Variants in FAM117A observed in about 807,000 individuals in gnomAD.
The protein encoded by FAM117A is family with sequence similarity 117 member A.
FAM117A carries 21 observed loss-of-function variants against 44.1 expected under a neutral mutation model. The observed-to-expected ratio is 0.48, with a 90% CI of 0.34 to 0.69. The LOEUF (loss-of-function observed/expected upper bound fraction) is 0.69. FAM117A is among the 30% of genes least tolerant of loss of function. The probability of loss-of-function intolerance (pLI) is 0.01; values close to 1 mark genes in which losing one functional copy is unlikely to be tolerated. For missense variants in FAM117A, 498 were observed against 589.9 expected, an observed-to-expected ratio of 0.84 and a Z score of 1.61; for synonymous variants, 220 against 238.3, an observed-to-expected ratio of 0.92 and a Z score of 0.71.
chr17:49,719,931 C>T, intron 4 of FAM117A, 37 bp from the exon 5 acceptor site: 1 of 1,586,336 alleles, frequency 6.3e-7, no homozygotes. Flanking sequence ...ACACACAGCC[C>T]CACCAGGCCT....
Position 49,763,938 on chromosome 17 carries a change from G to A in FAM117A, c.150C>T (p.Phe50=), listed in dbSNP as rs1398118088. The change falls in exon 1 of 8, where the codon TTC becomes TTT. Residue 50 remains phenylalanine (F), a synonymous_variant. Transcript: ENST00000240364. ...GLQPLRATIP[F]QLQQPHQRRD... is the part of the protein sequence containing the mutation. Reference sequence around the variant, plus strand: ...GGCGCTGGTGCGGCTGCTGCAGCTGGAAGGGGATCGTGGCCCTGAGCGGCT... The same window carrying A: ...GGCGCTGGTGCGGCTGCTGCAGCTGAAAGGGGATCGTGGCCCTGAGCGGCT... 3 of 1,237,604 alleles carry A rather than the reference G, an allele frequency of 2.4e-6. No individual in the cohort carries two copies. Among genetic ancestry groups the A allele is most frequent in the Admixed American group, 4.2e-5 (1 of 23,994 alleles). 76.7% of individuals were successfully genotyped at this position (1,237,604 alleles called of 1,614,324 possible). A position where few individuals can be genotyped will look rare whatever the true frequency, so the allele number is the denominator to read the frequency against.
intron 7 of FAM117A, among the ~76,000 whole-genome samples, chr17:49,713,517 T>C (rs2073487835): frequency 6.6e-6 from 1 of 151,204 alleles, no homozygotes; most frequent in African/African-American, 2.4e-5. Flanking sequence ...GGTTACCATC[T>C]TTTTTTTTGG....
chr17:49,716,856 A>G (rs1248229794), intron 6 of FAM117A, among the ~76,000 whole-genome samples: 1 of 152,144 alleles, frequency 6.6e-6, no homozygotes, highest in Non-Finnish European at 1.5e-5. Context: ...TATTTATCTC[A>G]CATTTATTCC....
intron 1 of FAM117A, among the ~76,000 whole-genome samples, chr17:49,769,200 T>C (rs1298791820): frequency 6.6e-6 from 1 of 151,786 alleles, no homozygotes; most frequent in East Asian, 1.9e-4. Flanking sequence ...GAGGCTGAGA[T>C]AGAAGAATCC....
intron 1 of FAM117A, among the ~76,000 whole-genome samples, chr17:49,780,740 T>C (rs781384721): frequency 6.6e-6 from 1 of 152,290 alleles, no homozygotes; most frequent in South Asian, 2.1e-4. Flanking sequence ...CAGTAGTATG[T>C]GATCTTGACA....
At chr17:49,749,832 T>C (rs1396710643) in intron 1 of FAM117A, among the ~76,000 whole-genome samples, 1 of 147,926 alleles carries the variant, frequency 6.8e-6, no homozygotes, top group Non-Finnish European at 1.5e-5. Flanking sequence ...CCAGCTAGAG[T>C]AGTAAGGACC....
At chr17:49,737,960 T>C (rs116832061) in intron 1 of FAM117A, among the ~76,000 whole-genome samples, 212 of 152,288 alleles carry the variant, frequency 1.4e-3, no homozygotes, top group African/African-American at 5.0e-3. Context: ...ACCTGGAGGA[T>C]GAATTGCTTT....
rs189378777 is a variant in FAM117A, at chr17:49,754,962, C to T, written c.196+8930G>A. Among the ~76,000 whole-genome samples the T allele has an allele frequency of 2.1e-4, 30 of 144,288 alleles. No homozygotes were observed. In the East Asian group the frequency reaches 5.7e-3, roughly 28 times the overall value. The allele number at this position is 144,288 out of a possible 152,430, so 94.7% of individuals were successfully genotyped here. A position where few individuals can be genotyped will look rare whatever the true frequency, so the allele number is the denominator to read the frequency against. On this transcript the variant is annotated intron_variant, in intron 1 of 7. Coordinates refer to ENST00000240364, the MANE Select transcript of FAM117A (RefSeq NM_030802.4). ...CTGAGGCAGGAGAATCGCTTGAACC[C>T]GGGAGGTGGAGGTTGTGGTGAGCCG...
intron 3 of FAM117A, among the ~76,000 whole-genome samples, chr17:49,720,754 C>G (rs916895037): frequency 1.3e-5 from 2 of 152,116 alleles, no homozygotes; most frequent in Non-Finnish European, 2.9e-5. Flanking sequence ...GAGTCTCGCT[C>G]TCTCACCCAG....
chr17:49,770,291 A>AG (rs1431236738), intron 1 of FAM117A, among the ~76,000 whole-genome samples: 1 of 149,900 alleles, frequency 6.7e-6, no homozygotes. Context: ...AAAAAAAAAA[A>AG]GGATTTAGAT....
At chr17:49,738,597 C>A (rs1337477999) in intron 1 of FAM117A, among the ~76,000 whole-genome samples, 1 of 152,162 alleles carries the variant, frequency 6.6e-6, no homozygotes, top group African/African-American at 2.4e-5. Context: ...TGGGCCTCAG[C>A]CTTATTTCCA....
chr17:49,772,032 C>T (rs906623327), intron 1 of FAM117A, among the ~76,000 whole-genome samples: 7 of 152,124 alleles, frequency 4.6e-5, no homozygotes, highest in Admixed American at 4.6e-4. Context: ...TGGCTCACAC[C>T]TGTAATCCCA....
At chr17:49,788,529 A>G in exon 1 of FAM117A, 1 of 371,412 alleles carries the variant, frequency 2.7e-6, no homozygotes, top group Non-Finnish European at 4.9e-6. Context: ...GGGTTCCACC[A>G]CTGGAGTCAC....
intron 1 of FAM117A, among the ~76,000 whole-genome samples, chr17:49,739,421 C>T (rs1299003507): frequency 6.6e-6 from 1 of 152,160 alleles, no homozygotes; most frequent in Non-Finnish European, 1.5e-5. Flanking sequence ...TGCTTGCAGA[C>T]CGGAGCATCA....
At chr17:49,785,796 G>T (rs1372964705) in intron 1 of FAM117A, among the ~76,000 whole-genome samples, 1 of 152,166 alleles carries the variant, frequency 6.6e-6, no homozygotes, top group African/African-American at 2.4e-5. Flanking sequence ...AATTGGAAAA[G>T]ATTTTCTGAA....
At chr17:49,786,270 T>A (rs1288055034) in intron 1 of FAM117A, among the ~76,000 whole-genome samples, 2 of 152,206 alleles carry the variant, frequency 1.3e-5, no homozygotes, top group East Asian at 3.8e-4. Context: ...GAATCTAGCA[T>A]AAGAAATTAA....
intron 1 of FAM117A, among the ~76,000 whole-genome samples, chr17:49,757,042 C>A (rs1176303139): frequency 1.3e-5 from 2 of 152,126 alleles, no homozygotes; most frequent in Non-Finnish European, 2.9e-5. Context: ...AACTCCTCAA[C>A]CCTTGATCAC....
intron 1 of FAM117A, among the ~76,000 whole-genome samples, chr17:49,779,953 C>T (rs2073785017): frequency 6.6e-6 from 1 of 152,184 alleles, no homozygotes; most frequent in Non-Finnish European, 1.5e-5. Flanking sequence ...TCCAGACTAG[C>T]AAGAAAATCG....
At chr17:49,714,590 A>G (rs1384570725) in intron 7 of FAM117A, among the ~76,000 whole-genome samples, 2 of 150,892 alleles carry the variant, frequency 1.3e-5, no homozygotes, top group Non-Finnish European at 2.9e-5. Context: ...TGCCCACCTC[A>G]GTCTCCCAAA....
Sources: gnomAD v4.1 joint callset for allele counts (sites outside exome capture counted in the v4.1 genomes callset) on GRCh38, gnomAD v4.1.1 for gene constraint, MANE v1.5 for transcripts, NCBI Gene and HGNC (gene_info 2026-07-23, HGNC 2026-07-21) for gene names.